The following RIC3 variants were observed in gnomAD, a reference collection of about 807,000 sequenced individuals.
RIC3 encodes protein RIC-3.
In RIC3, 28 loss-of-function variants were observed where a neutral mutation model predicts 27.3. The ratio of observed to expected loss-of-function variants is 1.02; its 90% CI spans 0.76 to 1.41. The LOEUF (loss-of-function observed/expected upper bound fraction) is 1.41. Among genes scored for constraint, RIC3 ranks in the 40% most tolerant of loss-of-function variants. The pLI, the probability that RIC3 is intolerant of heterozygous loss-of-function variation, is 0.00. For missense variants in RIC3, 501 were observed against 444.7 expected (o/e 1.13, Z -1.14); for synonymous variants, 184 against 160.4 (o/e 1.15, Z -1.11).
At chr11:8,161,377 G>A (rs1357962517) in intron 1 of RIC3, among the ~76,000 whole-genome samples, 2 of 151,884 alleles carry the variant, frequency 1.3e-5, no homozygotes, top group Non-Finnish European at 2.9e-5. Context: ...TTCCTATTTT[G>A]GCAAAGGAAA....
chr11:8,155,930 C>T (rs888142328), intron 1 of RIC3, among the ~76,000 whole-genome samples: 5 of 152,154 alleles, frequency 3.3e-5, no homozygotes, highest in Admixed American at 2.0e-4. Context: ...TCTTCCTCAC[C>T]GGTCTCCTCC....
chr11:8,100,773 G>C, the RIC3 span: 2 of 1,604,044 alleles, frequency 1.2e-6, no homozygotes. Context: ...CCTTTCTGGG[G>C]TGGTCATGGT....
chr11:8,130,254 G>T (rs1947524603), intron 4 of RIC3, among the ~76,000 whole-genome samples: 1 of 151,228 alleles, frequency 6.6e-6, no homozygotes, highest in African/African-American at 2.5e-5. Context: ...ATTGATTCAG[G>T]GATAGATATA....
rs150655796 is a variant in RIC3, at chr11:8,168,963, G to A, written c.27C>T (p.Val9=). The change falls in exon 1 of 6, where the codon GTC becomes GTT. Residue 9 remains valine, a synonymous_variant. Transcript: ENST00000309737. MAYSTVQR[V]ALASGLVLAL... ...CCAGGACAAGCCCAGAAGCCAGAGC[G>A]ACTCTCTGCACTGTGGAGTACGCCA... 1.2e-4 allele frequency: 201 copies of A among 1,609,398 alleles called. No homozygotes were observed. The African/African-American group carries it at 2.4e-3, about 19-fold the overall frequency.
chr11:8,116,947 T>A (rs1004864920), intron 5 of RIC3, among the ~76,000 whole-genome samples: 1 of 152,220 alleles, frequency 6.6e-6, no homozygotes, highest in Non-Finnish European at 1.5e-5. Context: ...GTCAAAAAGA[T>A]ATCTGCACTC....
At chr11:8,097,044 G>A in the RIC3 span, among the ~76,000 whole-genome samples, 1 of 152,142 alleles carries the variant, frequency 6.6e-6, no homozygotes, top group Non-Finnish European at 1.5e-5. Flanking sequence ...TCCACCTCTA[G>A]GAACTGTTGA....
intron 1 of RIC3, 131 bp downstream of exon 1, chr11:8,168,735 C>T (rs143304148): frequency 3.0e-6 from 4 of 1,341,588 alleles, no homozygotes; most frequent in Middle Eastern, 1.9e-4. Flanking sequence ...CGCCGTCTCG[C>T]CCGCCCTCTC....
At chr11:8,155,233 A>C (rs909255264) in intron 1 of RIC3, among the ~76,000 whole-genome samples, 2 of 151,582 alleles carry the variant, frequency 1.3e-5, no homozygotes, top group African/African-American at 4.9e-5. Context: ...AAAAAAAAAA[A>C]AAAAAAATTC....
At chr11:8,130,697 T>C (rs1342296024) in intron 4 of RIC3, among the ~76,000 whole-genome samples, 2 of 152,102 alleles carry the variant, frequency 1.3e-5, no homozygotes, top group African/African-American at 2.4e-5. Flanking sequence ...TAAGAGTTAT[T>C]TTTCTAAAGC....
intron 1 of RIC3, chr11:8,153,495 G>C (rs556936436): frequency 3.3e-4 from 141 of 427,288 alleles, no homozygotes; most frequent in African/African-American, 2.7e-3. Context: ...ATAAATCCTT[G>C]TCAAATTTTC....
chr11:8,140,108 A>G lies in RIC3; in HGVS notation c.210T>C (p.Ser70=), dbSNP rs766737846. The G allele has an allele frequency of 6.2e-7, 1 of 1,614,124 alleles. No homozygotes were observed. The highest frequency in any genetic ancestry group is 2.2e-5 in the East Asian group (1 of 44,882). Residue 70 remains serine, a synonymous_variant, in exon 2 of 6, where the codon TCT becomes TCC. Coordinates refer to ENST00000309737, the MANE Select transcript of RIC3 (RefSeq NM_001206671.4). The part of the protein sequence containing the change: ...GQTPGARFQR[S]HLAEAFAKAK... Reference sequence around the variant, plus strand: ...CCTTTGCAAATGCCTCGGCAAGGTGAGACCTCTGGAAACGAGCCCCAGGAG... The same window carrying G: ...CCTTTGCAAATGCCTCGGCAAGGTGGGACCTCTGGAAACGAGCCCCAGGAG...
chr11:8,131,527 A>G (rs776646737), intron 4 of RIC3, among the ~76,000 whole-genome samples: 1 of 152,190 alleles, frequency 6.6e-6, no homozygotes, highest in South Asian at 2.1e-4. Flanking sequence ...AGTGGGCTCT[A>G]TATATAGAGG....
At chr11:8,143,436 A>G (rs1275862747) in intron 1 of RIC3, among the ~76,000 whole-genome samples, 48 of 149,874 alleles carry the variant, frequency 3.2e-4, no homozygotes, top group Admixed American at 2.7e-3. Context: ...CAATTGCTTC[A>G]AAGAGAATAA....
In RIC3 at chr11:8,126,745, G is replaced by C. The variant is rs150042716; in HGVS notation, c.584C>G (p.Thr195Ser). 15 of 1,613,970 alleles carry C rather than the reference G, an allele frequency of 9.3e-6. No homozygotes were observed. In the African/African-American group the frequency reaches 1.3e-4, roughly 14 times the overall value. ...KRLLHQLREI[T>S]RVMKEGKFID... ...GAATTTTCCTTCTTTCATGACCCTG[G>C]TGATTTCTCGGAGCTGATGTAGCAA... Residue 195 changes from threonine to serine, a missense_variant, in exon 5 of 6, where the codon ACC becomes AGC. Transcript: ENST00000309737.
chr11:8,133,433 G>A (rs1947976187), intron 4 of RIC3, among the ~76,000 whole-genome samples: 1 of 152,198 alleles, frequency 6.6e-6, no homozygotes, highest in Admixed American at 6.5e-5. Flanking sequence ...TTGGATTAAG[G>A]AGTGTCAGAG....
At chr11:8,159,023 G>A (rs924473408) in intron 1 of RIC3, among the ~76,000 whole-genome samples, 4 of 151,488 alleles carry the variant, frequency 2.6e-5, no homozygotes, top group African/African-American at 7.3e-5. Flanking sequence ...GAGCCACCGC[G>A]CTCGGCCACA....
intron 1 of RIC3, among the ~76,000 whole-genome samples, chr11:8,149,127 A>G (rs1949996611): frequency 1.3e-5 from 2 of 151,692 alleles, no homozygotes; most frequent in South Asian, 4.2e-4. Flanking sequence ...CGGGAGGCGG[A>G]GCTTGCAGTG....
intron 5 of RIC3, among the ~76,000 whole-genome samples, chr11:8,116,736 T>C (rs1945897054): frequency 1.3e-5 from 2 of 152,090 alleles, no homozygotes; most frequent in South Asian, 2.1e-4. Flanking sequence ...ATGGCTATTA[T>C]CAAAAAGACA....
At chr11:8,096,363 A>C in the RIC3 span, among the ~76,000 whole-genome samples, 1 of 152,160 alleles carries the variant, frequency 6.6e-6, no homozygotes, top group African/African-American at 2.4e-5. Flanking sequence ...CTTGATACAC[A>C]AGAGACAGTG....
Sources: allele counts gnomAD v4.1 joint callset (sites outside exome capture counted in the v4.1 genomes callset), GRCh38; gene constraint gnomAD v4.1.1; transcripts MANE v1.5; gene names NCBI Gene and HGNC (gene_info 2026-07-23, HGNC 2026-07-21).